Variants in PRAMEF6 observed in about 807,000 individuals in gnomAD.
The protein encoded by PRAMEF6 is PRAME family member 6.
For synonymous variants in PRAMEF6, 8 were observed against 134.4 expected (o/e 0.06, Z 6.51); for missense variants, 29 against 349.2 (o/e 0.08, Z 7.31).
intron 3 of PRAMEF6, among the ~76,000 whole-genome samples, chr1:12,939,930 C>G (rs1356352827): frequency 1.0e-4 from 1 of 9,986 alleles, no homozygotes; most frequent in African/African-American, 5.8e-4. Context: ...CTGCAGGCGT[C>G]CCTGACAAGC....
At chr1:12,941,807 G>A (rs545906673) in intron 2 of PRAMEF6, among the ~76,000 whole-genome samples, 1 of 107,110 alleles carries the variant, frequency 9.3e-6, no homozygotes, top group South Asian at 3.4e-4. Flanking sequence ...TGCAACCTCT[G>A]CTTCCCGGGT....
At chr1:12,939,787 A>G (rs1193423448) in intron 3 of PRAMEF6, among the ~76,000 whole-genome samples, 1 of 71,296 alleles carries the variant, frequency 1.4e-5, no homozygotes, top group Non-Finnish European at 2.6e-5. Flanking sequence ...TCAAGTTCAC[A>G]GAATCCCTAA....
intron 1 of PRAMEF6, among the ~76,000 whole-genome samples, chr1:12,945,950 T>TGAACTCCA (rs1641754311): frequency 8.0e-5 from 1 of 12,446 alleles, no homozygotes; most frequent in Non-Finnish European, 1.1e-4. Context: ...AATACACCAC[T>TGAACTCCA]GAACTCCAGC....
intron 1 of PRAMEF6, among the ~76,000 whole-genome samples, chr1:12,946,014 A>AAG (rs1165252510): frequency 4.4e-5 from 1 of 22,714 alleles, no homozygotes; most frequent in Non-Finnish European, 7.7e-5. Context: ...AAAAAAAAAA[A>AAG]AGAAAAAGAA....
At chr1:12,939,588 T>G (rs1641695284) in intron 3 of PRAMEF6, among the ~76,000 whole-genome samples, 1 of 80,848 alleles carries the variant, frequency 1.2e-5, no homozygotes. Flanking sequence ...GAGCCTGCAA[T>G]TCCAGCTACT....
In PRAMEF6 at chr1:12,940,986, G is replaced by C; in HGVS notation, c.867C>G (p.Leu289=). The part of the protein sequence containing the change: ...SFLEGHLDQL[L]SCLKTSLKVL... The stretch of plus-strand genomic sequence containing the variant: ...GAAAGCTCACCACCCTCCCTCACCT[G>C]AGCAGCTGGTCCAGGTGGCCTTCGA... Residue 289 remains leucine (L), a splice_region_variant and synonymous_variant, in exon 3 of 4, where the codon CTC becomes CTG. Coordinates refer to ENST00000376189, the MANE Select transcript of PRAMEF6 (RefSeq NM_001010889.2). The C allele has an allele frequency of 1.4e-5, 3 of 220,704 alleles. No homozygotes were observed. The highest frequency in any genetic ancestry group is 2.2e-5 in the Non-Finnish European group (3 of 135,218). 13.7% of individuals were successfully genotyped at this position (220,704 alleles called of 1,614,324 possible).
intron 2 of PRAMEF6, among the ~76,000 whole-genome samples, chr1:12,941,801 A>C (rs1641723929): frequency 9.3e-6 from 1 of 107,664 alleles, no homozygotes; most frequent in Admixed American, 8.7e-5. Flanking sequence ...CCTCACTGCA[A>C]CCTCTGCTTC....
intron 2 of PRAMEF6, among the ~76,000 whole-genome samples, chr1:12,941,910 G>GTGCCACCACACCTGGTTA (rs1557664124): frequency 2.0e-5 from 1 of 49,784 alleles, no homozygotes; most frequent in Non-Finnish European, 3.4e-5. Flanking sequence ...TAGTAGAGTT[G>GTGCCACCACACCTGGTTA]GGGTTTACCA....
At chr1:12,939,385 T>C (rs560475394) in intron 3 of PRAMEF6, 149 bp from the exon 4 acceptor site, 157 of 1,049,920 alleles carry the variant, frequency 1.5e-4, no homozygotes, top group South Asian at 1.4e-3. Context: ...TAGGATGATG[T>C]GTGATGAAGA....
chr1:12,943,090 TC>T, intron 1 of PRAMEF6, among the ~76,000 whole-genome samples: 1 of 142,512 alleles, frequency 7.0e-6, no homozygotes, highest in Non-Finnish European at 1.5e-5. Context: ...TTTCTTTCTT[TC>T]CCCCTCTCTC....
rs1569959415 is a variant in PRAMEF6 at position 12,939,360 on chromosome 1, C to T, written c.870-124G>A. ...CCAAGTCCAGGGTCATTCTGATGGC[C>T]TGATGGTCAACACTTAGGATGATGT... is the stretch of plus-strand genomic sequence containing the variant. On this transcript the variant is annotated intron_variant, in intron 3 of 3. Transcript: ENST00000376189. The T allele has an allele frequency of 4.9e-6, 5 of 1,021,866 alleles. No homozygotes were observed. In the Admixed American group the frequency reaches 1.3e-4, roughly 26 times the overall value. 63.3% of individuals were successfully genotyped at this position (1,021,866 alleles called of 1,614,324 possible). A position where few individuals can be genotyped will look rare whatever the true frequency, so the allele number is the denominator to read the frequency against.
rs1368139387 is a variant in PRAMEF6 at position 12,941,753 on chromosome 1, C to T, written c.288-188G>A. On this transcript the variant is annotated intron_variant, in intron 2 of 3. Coordinates refer to ENST00000376189, the MANE Select transcript of PRAMEF6 (RefSeq NM_001010889.2). ...GTTTTTCTTTTGAGACCAAGTCTCCCTCTGTCACCCAGGCTGGAGTGCAGT... is the reference window on the plus strand; with the variant it reads ...GTTTTTCTTTTGAGACCAAGTCTCCTTCTGTCACCCAGGCTGGAGTGCAGT... Among the ~76,000 whole-genome samples, 129 of 114,212 alleles carry T rather than the reference C, an allele frequency of 1.1e-3. 13 individuals carry two copies. The highest frequency in any genetic ancestry group is 5.8e-3 in the African/African-American group (126 of 21,550). The allele number at this position is 114,212 out of a possible 152,430, so 74.9% of individuals were successfully genotyped here. A position where few individuals can be genotyped will look rare whatever the true frequency, so the allele number is the denominator to read the frequency against.
chr1:12,939,806 T>A (rs1446466060), intron 3 of PRAMEF6, among the ~76,000 whole-genome samples: 22 of 52,914 alleles, frequency 4.2e-4, no homozygotes, highest in Middle Eastern at 0.012. Flanking sequence ...AAAGCTCCCT[T>A]TCCTCATCTG....
intron 1 of PRAMEF6, 57 bp downstream of exon 1, chr1:12,947,458 TCC>T (rs1641767866): frequency 7.8e-6 from 1 of 127,876 alleles, no homozygotes; most frequent in Admixed American, 8.0e-5. Flanking sequence ...ACTGTCACCA[TCC>T]CAGACCGACT....
chr1:12,941,727 T>C (rs1641722318), intron 2 of PRAMEF6, among the ~76,000 whole-genome samples, 162 bp from the exon 3 acceptor site: 1 of 109,840 alleles, frequency 9.1e-6, no homozygotes, highest in Admixed American at 8.6e-5. Flanking sequence ...CACATTTTTT[T>C]GTTTTTCTTT....
At position 12,941,350 on chromosome 1, in the gene PRAMEF6, A is replaced by T; in HGVS notation, c.503T>A (p.Leu168His). ...RTLDEYLTCL[L>H]LWVKQRKDLL... ...ATCTTTCCTCTGCTTGACCCATAGA[A>T]GGAGGCAGGTGAGGTATTCATCCAG... The change falls in exon 3 of 4, where the codon CTT becomes CAT. Residue 168 changes from leucine to histidine, a missense_variant. By Grantham distance (99) the Leu-to-His change is moderately conservative. Coordinates refer to ENST00000376189, the MANE Select transcript of PRAMEF6 (RefSeq NM_001010889.2). 1 of 1,276,750 alleles carries T rather than the reference A, an allele frequency of 7.8e-7. No homozygotes were observed. The highest frequency in any genetic ancestry group is 1.4e-5 in the South Asian group (1 of 70,494). 79.1% of individuals were successfully genotyped at this position (1,276,750 alleles called of 1,614,324 possible).
rs879631126 is a variant in PRAMEF6 at position 12,941,572 on chromosome 1, G to C, written c.288-7C>G. The C allele has an allele frequency of 1.5e-5, 18 of 1,164,754 alleles. No homozygotes were observed. The East Asian group carries it at 2.6e-4, about 17-fold the overall frequency. 72.2% of individuals were successfully genotyped at this position (1,164,754 alleles called of 1,614,324 possible). A position where few individuals can be genotyped will look rare whatever the true frequency, so the allele number is the denominator to read the frequency against. ...CACTTGAAGTTTCCACCTCCTGTGG[G>C]AAAATAGAGGTGAGAATGAGAATTT... On this transcript the variant is annotated splice_polypyrimidine_tract_variant and splice_region_variant and intron_variant, in intron 2 of 3. Coordinates refer to ENST00000376189, the MANE Select transcript of PRAMEF6 (RefSeq NM_001010889.2).
intron 2 of PRAMEF6, 145 bp from the exon 3 acceptor site, chr1:12,941,710 C>G: frequency 2.0e-6 from 2 of 988,662 alleles, no homozygotes; most frequent in Non-Finnish European, 2.7e-6. Flanking sequence ...TGGATCCTGC[C>G]CACTTCCACA....
At position 12,941,447 on chromosome 1, in the gene PRAMEF6, G is replaced by C. The variant is rs139593649; in HGVS notation, c.406C>G (p.Gln136Glu). ...LNAKRNKTPV[Q>E]DCPRMRGQQP... ...TGTCCTCTCATCCTTGGACAGTCCTGCACTGGTGTTTTGTTCCTCTTGGCA... is the reference window on the plus strand; with the variant it reads ...TGTCCTCTCATCCTTGGACAGTCCTCCACTGGTGTTTTGTTCCTCTTGGCA... Residue 136 changes from glutamine (Q) to glutamate (E), a missense_variant, in exon 3 of 4, where the codon CAG (glutamine) becomes GAG (glutamate). Gln to Glu is a conservative substitution (Grantham distance 29). Transcript: ENST00000376189. 31 of 1,470,204 alleles carry C rather than the reference G, an allele frequency of 2.1e-5. 4 individuals are homozygous for C. The highest frequency in any genetic ancestry group is 2.5e-5 in the Non-Finnish European group (28 of 1,106,656). The allele number at this position is 1,470,204 out of a possible 1,614,324, so 91.1% of individuals were successfully genotyped here.
Sources: gnomAD v4.1 joint callset for allele counts (sites outside exome capture counted in the v4.1 genomes callset) on GRCh38, gnomAD v4.1.1 for gene constraint, MANE v1.5 for transcripts, NCBI Gene and HGNC (gene_info 2026-07-23, HGNC 2026-07-21) for gene names.